The following IL20RA variants were observed in gnomAD, a reference collection of about 807,000 sequenced individuals.
IL20RA encodes interleukin 20 receptor subunit alpha.
IL20RA carries 29 observed loss-of-function variants against 36.5 expected under a neutral mutation model. The observed-to-expected ratio is 0.79, with a 90% CI of 0.59 to 1.08. The LOEUF is 1.08. IL20RA is among the 50% of genes least tolerant of loss of function. The probability of loss-of-function intolerance (pLI) is 0.00; values close to 1 mark genes in which losing one functional copy is unlikely to be tolerated. For synonymous variants in IL20RA, 279 were observed against 267.1 expected (o/e 1.04, Z -0.43); for missense variants, 652 against 668.4 (o/e 0.98, Z 0.27).
In IL20RA at chr6:137,043,117, G is replaced by T. The variant is rs181899200; in HGVS notation, c.88+1524C>A. 3.9e-3 allele frequency among the ~76,000 whole-genome samples: 592 copies of T among 152,188 alleles called. 2 individuals carry two copies. Among genetic ancestry groups the T allele is most frequent in the South Asian group, 0.014 (67 of 4,810 alleles). On this transcript the variant is annotated intron_variant, in intron 1 of 6. Transcript: ENST00000316649. Reference sequence around the variant, plus strand: ...CTCTCTCTCACTTTCTTTGTTTTTGGTTTTTTCCCCAAAGACAGGGTCTCA... The same window carrying T: ...CTCTCTCTCACTTTCTTTGTTTTTGTTTTTTTCCCCAAAGACAGGGTCTCA...
At chr6:137,035,184 C>T (rs1417323491) in intron 1 of IL20RA, among the ~76,000 whole-genome samples, 1 of 152,078 alleles carries the variant, frequency 6.6e-6, no homozygotes, top group African/African-American at 2.4e-5. Flanking sequence ...CTTATGACTA[C>T]TGATTGAATT....
At chr6:137,006,676 A>G (rs1775294862) in intron 5 of IL20RA, among the ~76,000 whole-genome samples, 1 of 152,022 alleles carries the variant, frequency 6.6e-6, no homozygotes, top group South Asian at 2.1e-4. Context: ...CTGGGATAGC[A>G]CGGGTTCAGA....
intron 1 of IL20RA, among the ~76,000 whole-genome samples, chr6:137,032,993 G>A (rs772334790): frequency 1.8e-4 from 27 of 152,080 alleles, no homozygotes; most frequent in Admixed American, 9.8e-4. Context: ...ATGAAGAGAC[G>A]CCCACAAAGA....
At chr6:137,033,967 G>T (rs764059465) in intron 1 of IL20RA, among the ~76,000 whole-genome samples, 1 of 152,186 alleles carries the variant, frequency 6.6e-6, no homozygotes, top group Non-Finnish European at 1.5e-5. Context: ...CTTTGATGTT[G>T]TTCATGAAAG....
intron 1 of IL20RA, among the ~76,000 whole-genome samples, chr6:137,029,447 T>C (rs2078513593): frequency 6.6e-6 from 1 of 152,164 alleles, no homozygotes; most frequent in Admixed American, 6.5e-5. Context: ...GCGGAGGTTG[T>C]AGAGAGCTGA....
At position 137,002,054 on chromosome 6, in the gene IL20RA, C is replaced by A; in HGVS notation, c.1166G>T (p.Ser389Ile). 1 of 1,614,174 alleles carries A rather than the reference C, an allele frequency of 6.2e-7. No individual in the cohort carries two copies. Among genetic ancestry groups the A allele is most frequent in the South Asian group, 1.1e-5 (1 of 91,078 alleles). ...TGTTTTATCCGGGGGTATTGTTCTG[C>A]TGAGGGACTCTTGCTGGGTGAGAGA... ...GTSLTQQESL[S>I]RTIPPDKTVI... The change falls in exon 7 of 7, where the codon AGC becomes ATC. Residue 389 changes from serine (S) to isoleucine (I), a missense_variant. Transcript: ENST00000316649.
rs1003157426 is a variant in IL20RA at position 137,032,562 on chromosome 6, T to G, written c.88+12079A>C. Reference sequence around the variant, plus strand: ...CCTGGCTCCAAGTTCTCACTTTCTGTTTCGGTGGAAGCATTTGTGTACAGT... The same window carrying G: ...CCTGGCTCCAAGTTCTCACTTTCTGGTTCGGTGGAAGCATTTGTGTACAGT... On this transcript the variant is annotated intron_variant, in intron 1 of 6. Transcript: ENST00000316649. Among the ~76,000 whole-genome samples the G allele has an allele frequency of 8.5e-5, 13 of 152,348 alleles. No individual in the cohort carries two copies. The East Asian group carries it at 2.3e-3, about 27-fold the overall frequency.
chr6:137,007,828 A>G (rs1035803211), intron 5 of IL20RA, among the ~76,000 whole-genome samples: 1 of 152,222 alleles, frequency 6.6e-6, no homozygotes, highest in African/African-American at 2.4e-5. Context: ...CACAACTGGA[A>G]GCACCTATAA....
intron 1 of IL20RA, among the ~76,000 whole-genome samples, chr6:137,030,537 A>G (rs1051153532): frequency 1.4e-4 from 22 of 152,150 alleles, no homozygotes; most frequent in African/African-American, 4.8e-4. Context: ...TCCTTTACTC[A>G]TAAAGACCAC....
intron 1 of IL20RA, chr6:137,044,370 C>T (rs1776820248): frequency 1.9e-6 from 2 of 1,067,904 alleles, no homozygotes; most frequent in African/African-American, 1.7e-5. Flanking sequence ...CTCCCCCCAC[C>T]CCACCTCAAT....
intron 4 of IL20RA, 89 bp downstream of exon 4, chr6:137,009,228 T>C (rs1231155352): frequency 9.4e-7 from 1 of 1,060,662 alleles, no homozygotes; most frequent in Non-Finnish European, 1.5e-6. Context: ...CAGATTCACA[T>C]GCAGAGAATC....
intron 1 of IL20RA, among the ~76,000 whole-genome samples, chr6:137,026,118 T>C (rs1293561738): frequency 6.6e-6 from 1 of 152,212 alleles, no homozygotes; most frequent in Non-Finnish European, 1.5e-5. Flanking sequence ...TATGACCAAC[T>C]GGGGCAGCCT....
chr6:137,041,642 A>T (rs1320454526), intron 1 of IL20RA, among the ~76,000 whole-genome samples: 1 of 152,138 alleles, frequency 6.6e-6, no homozygotes, highest in Non-Finnish European at 1.5e-5. Context: ...CAAAGAAGAG[A>T]CATTTTGACT....
rs558073632 is a variant in IL20RA at position 137,044,606 on chromosome 6, T to A, written c.88+35A>T. 3.9e-5 allele frequency: 47 copies of A among 1,216,016 alleles called. No individual in the cohort carries two copies. In the Admixed American group the frequency reaches 1.6e-3, roughly 42 times the overall value. The allele number at this position is 1,216,016 out of a possible 1,614,324, so 75.3% of individuals were successfully genotyped here. A position where few individuals can be genotyped will look rare whatever the true frequency, so the allele number is the denominator to read the frequency against. Reference sequence around the variant, plus strand: ...CTGGCGGGGCCCCGGCCTGGAGGCATCCCCGACCCGCACCTGGCGGCGCGA... The same window carrying A: ...CTGGCGGGGCCCCGGCCTGGAGGCAACCCCGACCCGCACCTGGCGGCGCGA... On this transcript the variant is annotated intron_variant, in intron 1 of 6. Transcript: ENST00000316649.
chr6:137,019,585 G>C (rs1040278670), intron 1 of IL20RA, among the ~76,000 whole-genome samples: 2 of 152,096 alleles, frequency 1.3e-5, no homozygotes, highest in African/African-American at 4.8e-5. Context: ...AGGAAACAAA[G>C]CAATTTTTCT....
intron 5 of IL20RA, among the ~76,000 whole-genome samples, chr6:137,005,462 C>G (rs1775245446): frequency 6.6e-6 from 1 of 152,112 alleles, no homozygotes; most frequent in Admixed American, 6.6e-5. Flanking sequence ...TAAAAGCAGC[C>G]CTGGCCCACA....
chr6:137,008,547 C>A (rs1457507373), intron 5 of IL20RA, 52 bp downstream of exon 5: 2 of 1,511,398 alleles, frequency 1.3e-6, no homozygotes, highest in Non-Finnish European at 1.8e-6. Flanking sequence ...ATACCGACTT[C>A]TAGTTTTAGC....
At chr6:137,031,581 A>G (rs982923399) in intron 1 of IL20RA, among the ~76,000 whole-genome samples, 1 of 152,220 alleles carries the variant, frequency 6.6e-6, no homozygotes, top group Non-Finnish European at 1.5e-5. Flanking sequence ...GTGTAGTGGT[A>G]GGCTATTTCA....
At chr6:137,018,772 T>C (rs558996281) in intron 1 of IL20RA, among the ~76,000 whole-genome samples, 1 of 152,302 alleles carries the variant, frequency 6.6e-6, no homozygotes, top group African/African-American at 2.4e-5. Flanking sequence ...AGGCAGCACA[T>C]TGAGTATAAC....
Sources: gnomAD v4.1 joint callset for allele counts (sites outside exome capture counted in the v4.1 genomes callset) on GRCh38, gnomAD v4.1.1 for gene constraint, MANE v1.5 for transcripts, NCBI Gene and HGNC (gene_info 2026-07-23, HGNC 2026-07-21) for gene names.